The following RNF217 variants were observed in gnomAD, a reference collection of about 807,000 sequenced individuals.
RNF217 encodes ring finger protein 217.
A neutral mutation model predicts 57.8 loss-of-function variants in RNF217; 31 were observed. The observed-to-expected ratio is 0.54, with a 90% CI of 0.40 to 0.72. The LOEUF (loss-of-function observed/expected upper bound fraction) is 0.72, where lower values mean the gene tolerates loss of function less well. Ranked by LOEUF, RNF217 falls within the 30% of genes least tolerant of loss-of-function variation. The pLI is 0.00. For synonymous variants in RNF217, 313 were observed against 294.0 expected, an observed-to-expected ratio of 1.06 and a Z score of -0.66; for missense variants, 696 against 708.3, an observed-to-expected ratio of 0.98 and a Z score of 0.20.
chr6:125,023,915 G>T (rs552074053), intron 1 of RNF217, among the ~76,000 whole-genome samples: 3 of 152,130 alleles, frequency 2.0e-5, no homozygotes, highest in Non-Finnish European at 4.4e-5. Flanking sequence ...GTTACCAGGG[G>T]ATGGGCATGG....
intron 4 of RNF217, among the ~76,000 whole-genome samples, chr6:125,078,887 T>C (rs1788471160): frequency 6.6e-6 from 1 of 151,994 alleles, no homozygotes; most frequent in African/African-American, 2.4e-5. Flanking sequence ...CCCTCCCCCA[T>C]CTCCACAAAT....
chr6:125,002,824 A>G (rs1382136290), intron 1 of RNF217, among the ~76,000 whole-genome samples: 1 of 152,152 alleles, frequency 6.6e-6, no homozygotes, highest in East Asian at 1.9e-4. Flanking sequence ...TGGTTCTATT[A>G]TAGCTAGATG....
At chr6:125,014,308 A>C (rs563269780) in intron 1 of RNF217, among the ~76,000 whole-genome samples, 1 of 152,282 alleles carries the variant, frequency 6.6e-6, no homozygotes, top group African/African-American at 2.4e-5. Flanking sequence ...TACTGCTCTA[A>C]ATTCCAGGCT....
At chr6:124,975,728 C>A (rs1783931949) in intron 1 of RNF217, among the ~76,000 whole-genome samples, 1 of 151,864 alleles carries the variant, frequency 6.6e-6, no homozygotes, top group Admixed American at 6.6e-5. Flanking sequence ...TGAGCCACTG[C>A]AATCAGTCCA....
intron 1 of RNF217, among the ~76,000 whole-genome samples, chr6:125,033,591 T>C (rs1786462479): frequency 2.0e-5 from 3 of 151,126 alleles, no homozygotes; most frequent in Non-Finnish European, 4.4e-5. Flanking sequence ...ATCCAGTCTA[T>C]CATTGTTGGA....
intron 3 of RNF217, among the ~76,000 whole-genome samples, chr6:125,067,638 G>A (rs977214008): frequency 6.6e-6 from 1 of 152,148 alleles, no homozygotes; most frequent in East Asian, 1.9e-4. Flanking sequence ...TTTTGTTGCA[G>A]TGGTGAGCCA....
chr6:125,037,424 C>T (rs1000785064), intron 1 of RNF217, among the ~76,000 whole-genome samples: 3 of 152,118 alleles, frequency 2.0e-5, no homozygotes, highest in African/African-American at 7.2e-5. Context: ...TGGTATTGAT[C>T]ACTTTTACTT....
chr6:125,049,059 A>G (rs1192417957), intron 2 of RNF217, among the ~76,000 whole-genome samples: 6 of 152,016 alleles, frequency 3.9e-5, no homozygotes, highest in African/African-American at 9.7e-5. Context: ...TTACCGTTCC[A>G]TTTCTACAAG....
At chr6:124,983,377 A>G in intron 1 of RNF217, 1 of 985,088 alleles carries the variant, frequency 1.0e-6, no homozygotes, top group Non-Finnish European at 1.2e-6. Context: ...TAGTATACAG[A>G]GGAGGACACA....
At chr6:124,967,782 A>T (rs931231914) in intron 1 of RNF217, among the ~76,000 whole-genome samples, 10 of 149,458 alleles carry the variant, frequency 6.7e-5, no homozygotes, top group East Asian at 2.0e-4. Flanking sequence ...CATAACATAA[A>T]TTTTTTTTTT....
intron 4 of RNF217, among the ~76,000 whole-genome samples, chr6:125,078,061 A>G (rs75170616): frequency 0.11 from 17,496 of 152,242 alleles, 1,069 homozygotes; most frequent in African/African-American, 0.13. Flanking sequence ...TTAATGGAAC[A>G]TAATTTTCCA....
At chr6:125,033,124 C>T (rs1786430602) in intron 1 of RNF217, among the ~76,000 whole-genome samples, 1 of 150,876 alleles carries the variant, frequency 6.6e-6, no homozygotes, top group South Asian at 2.1e-4. Flanking sequence ...TTCAATATAT[C>T]CAAGGCCATA....
rs576828698 is a variant in RNF217 at position 125,047,359 on chromosome 6, A to G, written c.1116+1915A>G. 7.9e-5 allele frequency among the ~76,000 whole-genome samples: 12 copies of G among 152,210 alleles called. No homozygotes were observed. In the East Asian group the frequency reaches 2.1e-3, roughly 27 times the overall value. Reference sequence around the variant, plus strand: ...TGTTTTACGTCTCATTTCATCTGAAATCACCAAAATCATGTTGTGATGAGC... The same window carrying G: ...TGTTTTACGTCTCATTTCATCTGAAGTCACCAAAATCATGTTGTGATGAGC... On this transcript the variant is annotated intron_variant, in intron 2 of 5. Transcript: ENST00000521654.
intron 1 of RNF217, among the ~76,000 whole-genome samples, chr6:124,993,694 G>T (rs544108955): frequency 1.3e-5 from 2 of 152,338 alleles, no homozygotes; most frequent in Non-Finnish European, 2.9e-5. Context: ...GCGGCACATA[G>T]GAAGGCCGGG....
At chr6:125,050,599 T>A (rs1787275515) in intron 2 of RNF217, among the ~76,000 whole-genome samples, 1 of 151,982 alleles carries the variant, frequency 6.6e-6, no homozygotes, top group African/African-American at 2.4e-5. Flanking sequence ...CTGGTGTACT[T>A]TAAAACGTGC....
At chr6:125,064,070 G>A (rs943503017) in intron 3 of RNF217, among the ~76,000 whole-genome samples, 8 of 152,100 alleles carry the variant, frequency 5.3e-5, no homozygotes, top group South Asian at 2.1e-4. Context: ...ATAAGAATCC[G>A]AAGTATTAAT....
chr6:124,972,074 C>CA (rs1783784748), intron 1 of RNF217, among the ~76,000 whole-genome samples: 1 of 152,174 alleles, frequency 6.6e-6, no homozygotes, highest in African/African-American at 2.4e-5. Context: ...CTTAACTTCT[C>CA]AAAACTAAAT....
At chr6:124,982,986 G>C (rs774713866) in intron 1 of RNF217, among the ~76,000 whole-genome samples, 2 of 152,120 alleles carry the variant, frequency 1.3e-5, no homozygotes, top group Non-Finnish European at 2.9e-5. Context: ...GGAAAGAAAA[G>C]GGAAGAAGCA....
At position 124,962,930 on chromosome 6, in the gene RNF217, C is replaced by T. The variant is rs749199301; in HGVS notation, c.386C>T (p.Pro129Leu). 3.1e-6 allele frequency: 5 copies of T among 1,597,978 alleles called. No homozygotes were observed. The Admixed American group carries it at 8.3e-5, about 27-fold the overall frequency. Residue 129 changes from proline (P) to leucine (L), a missense_variant, in exon 1 of 6, where the codon CCC becomes CTC. Coordinates refer to ENST00000521654, the MANE Select transcript of RNF217 (RefSeq NM_001286398.3). This position sits in a 1 kb window ranked among gnomAD's most constrained non-coding sequence, Gnocchi z 4.6. ...GGGGATGAACAGCAGGAGGCGCCCCCCGGCGAAGAGCTGGAGCCCAGGACC... is the reference window on the plus strand; with the variant it reads ...GGGGATGAACAGCAGGAGGCGCCCCTCGGCGAAGAGCTGGAGCCCAGGACC... Reference protein sequence around the residue: ...EGGDEQQEAPPGEELEPRTRV... With the variant: ...EGGDEQQEAPLGEELEPRTRV...
Sources: gnomAD v4.1 joint callset for allele counts (sites outside exome capture counted in the v4.1 genomes callset) on GRCh38, gnomAD v4.1.1 for gene constraint, Gnocchi (gnomAD v3.1) non-coding constraint, MANE v1.5 for transcripts, NCBI Gene and HGNC (gene_info 2026-07-23, HGNC 2026-07-21) for gene names.